Variants in PPARG observed in about 807,000 individuals in gnomAD.
PPARG encodes peroxisome proliferator-activated receptor gamma.
Under a neutral mutation model 39.2 loss-of-function variants are expected in PPARG, and 17 were observed. The observed-to-expected ratio is 0.43, with a 90% CI of 0.30 to 0.65. The LOEUF (loss-of-function observed/expected upper bound fraction) is 0.65, where lower values mean the gene tolerates loss of function less well. Among genes scored for constraint, PPARG ranks in the 30% least tolerant of loss-of-function variants. PPARG has a pLI of 0.13. For missense variants in PPARG, 406 were observed against 585.9 expected, an observed-to-expected ratio of 0.69 and a Z score of 3.17; for synonymous variants, 223 against 215.7, an observed-to-expected ratio of 1.03 and a Z score of -0.30.
intron 2 of PPARG, among the ~76,000 whole-genome samples, chr3:12,331,911 G>A (rs1264525609): frequency 6.6e-6 from 1 of 152,142 alleles, no homozygotes; most frequent in Non-Finnish European, 1.5e-5. Context: ...TCAGTTGCCT[G>A]TGAGATATTT....
In PPARG at chr3:12,392,617, T is replaced by G. The variant is rs747804355; in HGVS notation, c.394T>G (p.Phe132Val). The G allele has an allele frequency of 6.2e-7, 1 of 1,613,862 alleles. No individual in the cohort carries two copies. Among genetic ancestry groups the G allele is most frequent in the Non-Finnish European group, 8.5e-7 (1 of 1,179,816 alleles). ...GVHACEGCKGFFRRTIRLKLI... is the reference protein window; with the variant it reads ...GVHACEGCKGVFRRTIRLKLI... ...CTTCTTTTTTATCCCTTTGCAGGGT[T>G]TCTTCCGGAGAACAATCAGATTGAA... is the stretch of plus-strand genomic sequence containing the variant. Residue 132 changes from phenylalanine to valine, a missense_variant, in exon 5 of 8, where the codon TTC (phenylalanine) becomes GTC (valine). Phe to Val is a conservative substitution (Grantham distance 50). This residue lies in a region of PPARG where 275 missense variants were observed against 458.0 expected (regional missense o/e 0.60). Transcript: ENST00000651735.
intron 2 of PPARG, among the ~76,000 whole-genome samples, chr3:12,346,501 G>A (rs901170300): frequency 2.0e-5 from 3 of 152,160 alleles, no homozygotes; most frequent in African/African-American, 7.2e-5. Flanking sequence ...AGTTGACACA[G>A]TAGGTTTGTG....
chr3:12,296,645 G>A (rs2124937478), intron 1 of PPARG, among the ~76,000 whole-genome samples: 1 of 152,292 alleles, frequency 6.6e-6, no homozygotes, highest in East Asian at 1.9e-4. Context: ...GAAAAGCTCA[G>A]TAGTGGTGTC....
chr3:12,360,904 G>A (rs563799188), intron 2 of PPARG, among the ~76,000 whole-genome samples: 1 of 152,170 alleles, frequency 6.6e-6, no homozygotes, highest in East Asian at 1.9e-4. Flanking sequence ...AGGTCTCTTA[G>A]TGAAGGAGCG....
intron 7 of PPARG, among the ~76,000 whole-genome samples, chr3:12,430,471 G>C (rs754058888): frequency 6.6e-6 from 1 of 152,238 alleles, no homozygotes; most frequent in African/African-American, 2.4e-5. Flanking sequence ...AGATCCAAAT[G>C]TCAGCTCTGC....
intron 4 of PPARG, among the ~76,000 whole-genome samples, chr3:12,385,938 G>T (rs971143879): frequency 1.3e-5 from 2 of 152,038 alleles, no homozygotes; most frequent in South Asian, 4.1e-4. Context: ...AGAGATCAAA[G>T]AAAATTTTTC....
chr3:12,358,466 G>C (rs969937527), intron 2 of PPARG, among the ~76,000 whole-genome samples: 1 of 152,048 alleles, frequency 6.6e-6, no homozygotes, highest in African/African-American at 2.4e-5. Context: ...CAGATCTTTA[G>C]GAAAAAGTAA....
intron 2 of PPARG, among the ~76,000 whole-genome samples, chr3:12,376,961 C>T (rs1439345078): frequency 1.3e-5 from 2 of 152,154 alleles, no homozygotes; most frequent in Non-Finnish European, 2.9e-5. Context: ...CACAGCTCTC[C>T]ACTGGTGTTT....
intron 2 of PPARG, among the ~76,000 whole-genome samples, chr3:12,357,772 G>A (rs1214418808): frequency 6.6e-6 from 1 of 152,054 alleles, no homozygotes; most frequent in Non-Finnish European, 1.5e-5. Context: ...TAACACTTAC[G>A]GCTTCTATCA....
intron 1 of PPARG, among the ~76,000 whole-genome samples, chr3:12,296,085 C>T (rs2046774739): frequency 6.6e-6 from 1 of 150,812 alleles, no homozygotes. Flanking sequence ...AACCCCGTCT[C>T]TACAATAAAT....
intron 4 of PPARG, among the ~76,000 whole-genome samples, chr3:12,382,113 C>T (rs1331171090): frequency 6.6e-6 from 1 of 152,102 alleles, no homozygotes; most frequent in Admixed American, 6.6e-5. Context: ...TAGTAAGTGG[C>T]AGACCGCAGT....
rs193240974 is a variant in PPARG at position 12,414,769 on chromosome 3, T to A, written c.730-1935T>A. Among the ~76,000 whole-genome samples the A allele has an allele frequency of 1.6e-3, 244 of 152,242 alleles. 1 individual carries two copies. Among genetic ancestry groups the A allele is most frequent in the African/African-American group, 5.6e-3 (233 of 41,552 alleles). On this transcript the variant is annotated intron_variant, in intron 6 of 7. Coordinates refer to ENST00000651735, the MANE Select transcript of PPARG (RefSeq NM_138711.6). The stretch of plus-strand genomic sequence containing the variant: ...AAGAAATACGGTAAGGACAGTTTGG[T>A]CCCAATTTCCTTAAAAATTAGAGCC...
intron 7 of PPARG, among the ~76,000 whole-genome samples, chr3:12,431,913 A>G (rs1438744111): frequency 3.3e-5 from 5 of 152,158 alleles, no homozygotes; most frequent in African/African-American, 4.8e-5. Context: ...GCACTGGGCA[A>G]CAGATTAAGA....
At chr3:12,332,808 A>G (rs2047898932) in intron 2 of PPARG, among the ~76,000 whole-genome samples, 1 of 152,180 alleles carries the variant, frequency 6.6e-6, no homozygotes, top group South Asian at 2.1e-4. Flanking sequence ...AGGTGGGAGG[A>G]TCGTTTGAGC....
At chr3:12,341,301 T>A (rs1192684636) in intron 2 of PPARG, among the ~76,000 whole-genome samples, 1 of 152,104 alleles carries the variant, frequency 6.6e-6, no homozygotes, top group Non-Finnish European at 1.5e-5. Context: ...TAAAAATAGC[T>A]GAAAAAGAAA....
Position 12,300,802 on chromosome 3 carries a change from C to T in PPARG, c.-82-11578C>T, listed in dbSNP as rs557648461. Among the ~76,000 whole-genome samples, 432 of 152,180 alleles carry T rather than the reference C, an allele frequency of 2.8e-3. 2 individuals are homozygous for T. Among genetic ancestry groups the T allele is most frequent in the African/African-American group, 9.6e-3 (398 of 41,526 alleles). Reference sequence around the variant, plus strand: ...CATGTACCAAGCAAAATTGTTAGTTCCTAGAGGGTAAGAATGTGTATAGTA... The same window carrying T: ...CATGTACCAAGCAAAATTGTTAGTTTCTAGAGGGTAAGAATGTGTATAGTA... On this transcript the variant is annotated intron_variant, in intron 1 of 7. Coordinates refer to ENST00000651735, the MANE Select transcript of PPARG (RefSeq NM_138711.6).
intron 2 of PPARG, among the ~76,000 whole-genome samples, chr3:12,314,611 C>T (rs2047338576): frequency 6.6e-6 from 1 of 152,078 alleles, no homozygotes; most frequent in African/African-American, 2.4e-5. Context: ...ATATCTGACC[C>T]TCGCCGTTCA....
chr3:12,298,520 CG>C (rs748568758), intron 1 of PPARG, among the ~76,000 whole-genome samples: 7 of 152,078 alleles, frequency 4.6e-5, no homozygotes, highest in Non-Finnish European at 8.8e-5. Context: ...CCTTTGACAG[CG>C]GTTACAGATT....
At chr3:12,380,659 T>C (rs1176189054) in intron 3 of PPARG, among the ~76,000 whole-genome samples, 2 of 152,202 alleles carry the variant, frequency 1.3e-5, no homozygotes, top group African/African-American at 4.8e-5. Context: ...AGATAAATAA[T>C]ATGCTTAGTT....
Sources: allele counts gnomAD v4.1 joint callset (sites outside exome capture counted in the v4.1 genomes callset), GRCh38; gene constraint gnomAD v4.1.1; regional missense constraint gnomAD v4.1.1; transcripts MANE v1.5; gene names NCBI Gene and HGNC (gene_info 2026-07-23, HGNC 2026-07-21).